Variants in DNAL1 observed in about 807,000 individuals in gnomAD.
The protein encoded by DNAL1 is dynein axonemal light chain 1, also known as chromosome 14 open reading frame 168.
A neutral mutation model predicts 29.4 loss-of-function variants in DNAL1; 17 were observed. The ratio of observed to expected loss-of-function variants is 0.58; its 90% CI spans 0.40 to 0.87. DNAL1 has a LOEUF of 0.87. Ranked by LOEUF, DNAL1 falls within the 40% of genes least tolerant of loss-of-function variation. DNAL1 has a pLI of 0.00. For missense variants in DNAL1, 188 were observed against 214.1 expected (o/e 0.88, Z 0.76); for synonymous variants, 78 against 76.3 (o/e 1.02, Z -0.12).
chr14:73,655,351 T>C (rs1891194813), intron 2 of DNAL1, among the ~76,000 whole-genome samples: 1 of 150,952 alleles, frequency 6.6e-6, no homozygotes, highest in Non-Finnish European at 1.5e-5. Flanking sequence ...CTTTTCTTTT[T>C]TTTTTTTTTT....
intron 1 of DNAL1, among the ~76,000 whole-genome samples, chr14:73,647,095 A>AC (rs1890992051): frequency 6.6e-6 from 1 of 152,112 alleles, no homozygotes; most frequent in African/African-American, 2.4e-5. Flanking sequence ...ACGGTGGCTC[A>AC]CACCTTTAAT....
At chr14:73,681,432 G>C (rs1267348769) in intron 5 of DNAL1, among the ~76,000 whole-genome samples, 1 of 149,396 alleles carries the variant, frequency 6.7e-6, no homozygotes, top group Admixed American at 6.6e-5. Flanking sequence ...ACCGCACCCG[G>C]TGATTTTATA....
chr14:73,681,760 A>C (rs1452725632), intron 5 of DNAL1, among the ~76,000 whole-genome samples: 1 of 150,052 alleles, frequency 6.7e-6, no homozygotes, highest in African/African-American at 2.5e-5. Context: ...ACACCACTGC[A>C]CTCCAGCCTG....
chr14:73,649,376 G>A (rs965621347), intron 1 of DNAL1, among the ~76,000 whole-genome samples: 4 of 150,372 alleles, frequency 2.7e-5, no homozygotes, highest in Admixed American at 6.7e-5. Context: ...TCCGCCTCCC[G>A]GGTTCACGCC....
chr14:73,650,230 C>G (rs1309050285), intron 1 of DNAL1, among the ~76,000 whole-genome samples: 3 of 152,156 alleles, frequency 2.0e-5, no homozygotes, highest in Non-Finnish European at 4.4e-5. Context: ...CTCAAGTGAT[C>G]CTCTGACCTC....
chr14:73,648,923 A>G (rs1891047315), intron 1 of DNAL1, among the ~76,000 whole-genome samples: 2 of 150,618 alleles, frequency 1.3e-5, no homozygotes, highest in South Asian at 4.2e-4. Flanking sequence ...ATAAATAATA[A>G]TTATTATTCA....
chr14:73,676,582 G>T (rs1891737818), intron 5 of DNAL1, among the ~76,000 whole-genome samples: 1 of 152,012 alleles, frequency 6.6e-6, no homozygotes, highest in South Asian at 2.1e-4. Flanking sequence ...ATTAAAAATA[G>T]CTGTGTAGTT....
intron 7 of DNAL1, among the ~76,000 whole-genome samples, chr14:73,693,365 C>T (rs75535663): frequency 0.11 from 16,452 of 152,128 alleles, 1,038 homozygotes; most frequent in Middle Eastern, 0.18. Flanking sequence ...CCAAAAGACA[C>T]GTATGAGGAT....
At chr14:73,663,604 C>G (rs1015197272) in intron 4 of DNAL1, among the ~76,000 whole-genome samples, 1 of 152,084 alleles carries the variant, frequency 6.6e-6, no homozygotes, top group African/African-American at 2.4e-5. Flanking sequence ...AGGCTCATGA[C>G]CCATAGTTTG....
chr14:73,671,474 A>T, intron 4 of DNAL1, 68 bp from the exon 5 acceptor site: 1 of 1,336,124 alleles, frequency 7.5e-7, no homozygotes, highest in Non-Finnish European at 9.8e-7. Context: ...AAGCTTTATT[A>T]TTCTAGATTT....
At chr14:73,676,409 A>C (rs1891733352) in intron 5 of DNAL1, among the ~76,000 whole-genome samples, 1 of 151,392 alleles carries the variant, frequency 6.6e-6, no homozygotes. Context: ...GCACTTTAAA[A>C]TATTTTCTGT....
chr14:73,648,420 G>GTTGT (rs796136370), intron 1 of DNAL1, among the ~76,000 whole-genome samples: 1 of 13,362 alleles, frequency 7.5e-5, no homozygotes, highest in African/African-American at 3.7e-4. Flanking sequence ...ATATATATTT[G>GTTGT]TTGTTTGTTT....
intron 5 of DNAL1, among the ~76,000 whole-genome samples, chr14:73,676,492 A>G (rs1566886850): frequency 6.6e-6 from 1 of 152,006 alleles, no homozygotes; most frequent in Non-Finnish European, 1.5e-5. Context: ...TGTACAAGCC[A>G]TTTTTTCCTG....
At chr14:73,677,015 G>A (rs1388140011) in intron 5 of DNAL1, among the ~76,000 whole-genome samples, 1 of 147,996 alleles carries the variant, frequency 6.8e-6, no homozygotes, top group Non-Finnish European at 1.5e-5. Context: ...CTGTCGCCCA[G>A]GCTAGAGTGC....
At chr14:73,682,708 G>C (rs193118938) in intron 5 of DNAL1, among the ~76,000 whole-genome samples, 2 of 151,084 alleles carry the variant, frequency 1.3e-5, no homozygotes, top group Admixed American at 6.6e-5. Context: ...CATTAGCCTA[G>C]GCCTACCCAG....
intron 5 of DNAL1, among the ~76,000 whole-genome samples, chr14:73,686,474 C>T (rs1362544376): frequency 2.0e-5 from 3 of 152,092 alleles, no homozygotes; most frequent in Admixed American, 6.6e-5. Context: ...GAGGCCGAGG[C>T]GGGCAGATCC....
At chr14:73,685,010 ATACT>A (rs1289480964) in intron 5 of DNAL1, among the ~76,000 whole-genome samples, 2 of 152,336 alleles carry the variant, frequency 1.3e-5, no homozygotes, top group South Asian at 2.1e-4. Flanking sequence ...TTTGTTTTCA[ATACT>A]TACAATGGTT....
At chr14:73,684,271 T>C (rs758658740) in intron 5 of DNAL1, among the ~76,000 whole-genome samples, 7 of 152,242 alleles carry the variant, frequency 4.6e-5, no homozygotes, top group African/African-American at 7.2e-5. Flanking sequence ...TGCTGATAGC[T>C]ATCTCTTCGA....
chr14:73,694,728 C>T (rs574426818), intron 7 of DNAL1, among the ~76,000 whole-genome samples: 6 of 149,068 alleles, frequency 4.0e-5, no homozygotes, highest in East Asian at 2.0e-4. Context: ...CTTGCTCTGT[C>T]GCCCAGGCTG....
Sources: allele counts gnomAD v4.1 joint callset (sites outside exome capture counted in the v4.1 genomes callset), GRCh38; gene constraint gnomAD v4.1.1; transcripts MANE v1.5; gene names NCBI Gene and HGNC (gene_info 2026-07-23, HGNC 2026-07-21).